MIGA1: variants seen among roughly 807,000 people sequenced by gnomAD.
MIGA1 encodes mitoguardin 1.
MIGA1 carries 58 observed loss-of-function variants against 82.0 expected under a neutral mutation model. The ratio of observed to expected loss-of-function variants is 0.71; its 90% CI spans 0.57 to 0.88. The LOEUF (loss-of-function observed/expected upper bound fraction) is 0.88, where lower values mean the gene tolerates loss of function less well. Ranked by LOEUF, MIGA1 falls within the 40% of genes least tolerant of loss-of-function variation. MIGA1 has a pLI of 0.00. For synonymous variants in MIGA1, 249 were observed against 253.6 expected, an observed-to-expected ratio of 0.98 and a Z score of 0.17; for missense variants, 751 against 749.1, an observed-to-expected ratio of 1.00 and a Z score of -0.03.
chr1:77,867,239 A>C (rs79244046), intron 14 of MIGA1, among the ~76,000 whole-genome samples: 1,854 of 152,282 alleles, frequency 0.012, 39 homozygotes, highest in African/African-American at 0.043. Flanking sequence ...CATACTAGCT[A>C]TGTGACCTTA....
intron 13 of MIGA1, among the ~76,000 whole-genome samples, chr1:77,865,975 C>T (rs373274470): frequency 1.3e-5 from 2 of 152,138 alleles, no homozygotes; most frequent in Admixed American, 1.3e-4. Flanking sequence ...TGCAGTGGCG[C>T]GATCTCTGTT....
intron 10 of MIGA1, chr1:77,859,781 T>C (rs1685396633): frequency 2.5e-6 from 1 of 397,736 alleles, no homozygotes; most frequent in Non-Finnish European, 4.4e-6. Context: ...TTTGGGGCTA[T>C]AGGAAATTTA....
At chr1:77,800,866 A>G (rs1365174879) in intron 2 of MIGA1, among the ~76,000 whole-genome samples, 1 of 152,220 alleles carries the variant, frequency 6.6e-6, no homozygotes, top group Non-Finnish European at 1.5e-5. Context: ...TAAGATTCTG[A>G]AGAAATATTT....
At chr1:77,842,724 T>G (rs537356723) in intron 7 of MIGA1, among the ~76,000 whole-genome samples, 7 of 152,316 alleles carry the variant, frequency 4.6e-5, no homozygotes, top group Middle Eastern at 3.4e-3. Flanking sequence ...ATTTTTTTAG[T>G]AGAGACGGGG....
At chr1:77,816,268 T>C (rs1438905038) in intron 7 of MIGA1, among the ~76,000 whole-genome samples, 1 of 152,154 alleles carries the variant, frequency 6.6e-6, no homozygotes, top group African/African-American at 2.4e-5. Flanking sequence ...GAATGAAGTC[T>C]TGGAAGAAAG....
At chr1:77,850,710 A>T (rs1018318349) in intron 8 of MIGA1, among the ~76,000 whole-genome samples, 8 of 152,148 alleles carry the variant, frequency 5.3e-5, no homozygotes, top group African/African-American at 4.8e-5. Flanking sequence ...CTTGTACCTC[A>T]TGGGGCCCAA....
intron 2 of MIGA1, among the ~76,000 whole-genome samples, chr1:77,790,402 G>A (rs1682363145): frequency 6.6e-6 from 1 of 152,136 alleles, no homozygotes; most frequent in Non-Finnish European, 1.5e-5. Flanking sequence ...GAGTAGCTGG[G>A]ACTACAGGCT....
At chr1:77,818,265 AG>A (rs1270038383) in intron 7 of MIGA1, among the ~76,000 whole-genome samples, 2 of 151,840 alleles carry the variant, frequency 1.3e-5, no homozygotes, top group East Asian at 3.9e-4. Flanking sequence ...CTGGGATTAT[AG>A]GCATGCACCA....
At position 77,838,548 on chromosome 1, in the gene MIGA1, A is replaced by G. The variant is rs140720521; in HGVS notation, c.896-4759A>G. 5.4e-3 allele frequency among the ~76,000 whole-genome samples: 816 copies of G among 152,198 alleles called. 5 individuals are homozygous for G. Among genetic ancestry groups the G allele is most frequent in the African/African-American group, 0.018 (763 of 41,528 alleles). On this transcript the variant is annotated intron_variant, in intron 7 of 15. Coordinates refer to ENST00000370791, the MANE Select transcript of MIGA1 (RefSeq NM_198549.4). ...CTGCAGCCTCCACCTCCTGGGTTCAAGCAATTCTTGCGCCTCAGACTCCTA... is the reference window on the plus strand; with the variant it reads ...CTGCAGCCTCCACCTCCTGGGTTCAGGCAATTCTTGCGCCTCAGACTCCTA...
At chr1:77,868,941 T>TA (rs1685783304) in intron 14 of MIGA1, among the ~76,000 whole-genome samples, 1 of 129,674 alleles carries the variant, frequency 7.7e-6, no homozygotes, top group African/African-American at 3.9e-5. Flanking sequence ...AATTTATTTA[T>TA]TTTTTTTTTT....
intron 7 of MIGA1, among the ~76,000 whole-genome samples, chr1:77,840,227 A>G (rs1044358840): frequency 1.3e-5 from 2 of 152,222 alleles, no homozygotes; most frequent in Non-Finnish European, 2.9e-5. Context: ...AATAAGAGGT[A>G]TAGTCTATGG....
chr1:77,865,903 G>A (rs1364252510), intron 13 of MIGA1, among the ~76,000 whole-genome samples: 1 of 151,682 alleles, frequency 6.6e-6, no homozygotes, highest in Non-Finnish European at 1.5e-5. Context: ...ACCCTGACTA[G>A]TTTTGTTTTT....
intron 7 of MIGA1, among the ~76,000 whole-genome samples, chr1:77,820,471 A>C (rs1214793591): frequency 3.3e-5 from 5 of 152,166 alleles, no homozygotes; most frequent in African/African-American, 4.8e-5. Flanking sequence ...AAATTAACAT[A>C]TAGAGTACCA....
At chr1:77,812,217 C>T (rs1206215364) in intron 5 of MIGA1, among the ~76,000 whole-genome samples, 4 of 151,954 alleles carry the variant, frequency 2.6e-5, no homozygotes, top group Non-Finnish European at 5.9e-5. Context: ...GCCTGTAATC[C>T]CAGCACTTTG....
At chr1:77,805,461 C>CTTTTTTTTTTTTTTTTTTTT (rs11408292) in intron 4 of MIGA1, among the ~76,000 whole-genome samples, 2 of 110,402 alleles carry the variant, frequency 1.8e-5, no homozygotes, top group Non-Finnish European at 1.8e-5. Context: ...TATGCCTATT[C>CTTTTTTTTTTTTTTTTTTTT]TTTTTTTTTT....
intron 5 of MIGA1, among the ~76,000 whole-genome samples, chr1:77,808,130 C>CTTTTTT (rs754585009): frequency 7.3e-6 from 1 of 137,038 alleles, no homozygotes; most frequent in Non-Finnish European, 1.6e-5. Flanking sequence ...ACCTTTCTCT[C>CTTTTTT]TTTTTTTTTT....
chr1:77,855,921 A>G (rs946879433), intron 8 of MIGA1, among the ~76,000 whole-genome samples: 3 of 152,076 alleles, frequency 2.0e-5, no homozygotes, highest in African/African-American at 7.2e-5. Flanking sequence ...TAGGTCTTCC[A>G]GTACTATGTT....
chr1:77,804,066 AAAAATT>A (rs1320079374), intron 4 of MIGA1, among the ~76,000 whole-genome samples: 2 of 152,230 alleles, frequency 1.3e-5, no homozygotes, highest in African/African-American at 2.4e-5. Context: ...CACAAAAATC[AAAAATT>A]AAAATTAAAA....
intron 2 of MIGA1, among the ~76,000 whole-genome samples, chr1:77,787,940 C>T (rs559960049): frequency 1.9e-4 from 29 of 150,084 alleles, no homozygotes; most frequent in African/African-American, 4.2e-4. Context: ...CTCAGCCTCC[C>T]GAGTAGCTGG....
Sources: gnomAD v4.1 joint callset for allele counts (sites outside exome capture counted in the v4.1 genomes callset) on GRCh38, gnomAD v4.1.1 for gene constraint, MANE v1.5 for transcripts, NCBI Gene and HGNC (gene_info 2026-07-23, HGNC 2026-07-21) for gene names.